ARHGEF40: variants seen among roughly 807,000 people sequenced by gnomAD.
ARHGEF40 encodes Rho guanine nucleotide exchange factor 40.
Under a neutral mutation model 165.9 loss-of-function variants are expected in ARHGEF40, and 98 were observed. That is an observed-to-expected ratio of 0.59 (90% CI 0.50 to 0.70). The LOEUF is 0.70. Ranked by LOEUF, ARHGEF40 falls within the 30% of genes least tolerant of loss-of-function variation. ARHGEF40 has a pLI of 0.00. For missense variants in ARHGEF40, 1,815 were observed against 1,968.0 expected (o/e 0.92, Z 1.47); for synonymous variants, 792 against 814.3 (o/e 0.97, Z 0.47).
At position 21,078,118 on chromosome 14, in the gene ARHGEF40, G is replaced by A; in HGVS notation, c.2035-59G>A. The A allele has an allele frequency of 2.0e-6, 3 of 1,503,956 alleles. No homozygotes were observed. The South Asian group carries it at 3.8e-5, about 19-fold the overall frequency. 93.2% of individuals were successfully genotyped at this position (1,503,956 alleles called of 1,614,324 possible). A position where few individuals can be genotyped will look rare whatever the true frequency, so the allele number is the denominator to read the frequency against. ...CTGGGGCTACCGCACCCCAACCCTAGGGCTTAAGTTCCTTCTTAAACTCTG... is the reference window on the plus strand; with the variant it reads ...CTGGGGCTACCGCACCCCAACCCTAAGGCTTAAGTTCCTTCTTAAACTCTG... On this transcript the variant is annotated intron_variant, in intron 8 of 23. Transcript: ENST00000298694.
In ARHGEF40 at chr14:21,076,461, C is replaced by A. The variant is rs1055527590; in HGVS notation, c.1836+5C>A. Reference sequence around the variant, plus strand: ...CCTGCCTTGAGCCAACTTCAGGTAACCACCCCTCAAACAGGCAGTTCCCCT... The same window carrying A: ...CCTGCCTTGAGCCAACTTCAGGTAAACACCCCTCAAACAGGCAGTTCCCCT... On this transcript the variant is annotated splice_donor_5th_base_variant and intron_variant, in intron 6 of 23. Coordinates refer to ENST00000298694, the MANE Select transcript of ARHGEF40 (RefSeq NM_018071.5). 6.2e-7 allele frequency: 1 copy of A among 1,614,128 alleles called. No individual in the cohort carries two copies. Among genetic ancestry groups the A allele is most frequent in the Non-Finnish European group, 8.5e-7 (1 of 1,180,018 alleles).
In ARHGEF40 at chr14:21,075,338, C is replaced by A; in HGVS notation, c.1457C>A (p.Thr486Lys). 6.2e-7 allele frequency: 1 copy of A among 1,614,024 alleles called. No homozygotes were observed. The highest frequency in any genetic ancestry group is 8.5e-7 in the Non-Finnish European group (1 of 1,180,006). Reference sequence around the variant, plus strand: ...TCTGTCTGTGTCTGTGCAGGACACACAGGCCCAGAAGGCCCCCTGTCTGAC... The same window carrying A: ...TCTGTCTGTGTCTGTGCAGGACACAAAGGCCCAGAAGGCCCCCTGTCTGAC... ...GPGLLCMAGH[T>K]GPEGPLSDTP... Residue 486 changes from threonine to lysine, a missense_variant, in exon 4 of 24, where the codon ACA becomes AAA. Transcript: ENST00000298694. The surrounding 1 kb of genome is among the most constrained non-coding windows in gnomAD (Gnocchi z 4.5).
chr14:21,080,499 G>A (rs939452613), intron 11 of ARHGEF40, among the ~76,000 whole-genome samples, 161 bp from the exon 12 acceptor site: 1 of 152,192 alleles, frequency 6.6e-6, no homozygotes, highest in African/African-American at 2.4e-5. Context: ...GACCCTTGTG[G>A]AAACTATTAC....
chr14:21,078,756 GT>G lies in ARHGEF40; in HGVS notation c.2247-126del, dbSNP rs1163088087. ...CAGGATTCAAACCAAAGCAGTCAGG[GT>G]TCAGCCCATGCTTTTGATCCATGCT... On this transcript the variant is annotated intron_variant, in intron 10 of 23. Transcript: ENST00000298694. The G allele has an allele frequency of 7.3e-6, 10 of 1,373,484 alleles. No homozygotes were observed. In the South Asian group the frequency reaches 9.7e-5, roughly 13 times the overall value. The allele number at this position is 1,373,484 out of a possible 1,614,324, so 85.1% of individuals were successfully genotyped here.
Position 21,089,849 on chromosome 14 carries a change from A to G in ARHGEF40, c.*841A>G, listed in dbSNP as rs1236474870. The G allele has an allele frequency of 5.6e-6, 1 of 180,152 alleles. No individual in the cohort carries two copies. The highest frequency in any genetic ancestry group is 1.2e-5 in the Non-Finnish European group (1 of 84,980). The allele number at this position is 180,152 out of a possible 1,614,324, so 11.2% of individuals were successfully genotyped here. ...CCAGCACAGTCCAGCAGTTCTCAAAATGAGGTCCTCAGGCCACAGTGCGTG... is the reference window on the plus strand; with the variant it reads ...CCAGCACAGTCCAGCAGTTCTCAAAGTGAGGTCCTCAGGCCACAGTGCGTG... On this transcript the variant is annotated 3_prime_UTR_variant, in exon 24 of 24. Transcript: ENST00000298694.
chr14:21,082,687 G>T (rs558141702), intron 15 of ARHGEF40, 144 bp from the exon 16 acceptor site: 107 of 1,025,504 alleles, frequency 1.0e-4, no homozygotes, highest in Non-Finnish European at 1.3e-4. Flanking sequence ...CTCTCCACAG[G>T]GAGCCCTTCC....
Position 21,085,720 on chromosome 14 carries a change from G to A in ARHGEF40, c.3992G>A (p.Gly1331Glu). The A allele has an allele frequency of 6.2e-7, 1 of 1,614,094 alleles. No individual in the cohort carries two copies. The highest frequency in any genetic ancestry group is 2.2e-5 in the East Asian group (1 of 44,888). The part of the protein sequence containing the change: ...TADMGLTENI[G>E]DSGLCFELWF... ...GATATGGGGCTGACAGAAAACATCG[G>A]GGACAGCGGACTCTGCTTTGAGTTG... Residue 1331 changes from glycine to glutamate, a missense_variant, in exon 19 of 24, where the codon GGG becomes GAG. By Grantham distance (98) the Gly-to-Glu change is moderately conservative (BLOSUM62 -2). Transcript: ENST00000298694.
chr14:21,082,346 A>T lies in ARHGEF40; in HGVS notation c.3354A>T (p.Glu1118Asp). 6.2e-7 allele frequency: 1 copy of T among 1,612,110 alleles called. No individual in the cohort carries two copies. Among genetic ancestry groups the T allele is most frequent in the South Asian group, 1.1e-5 (1 of 91,052 alleles). ...VPPPGPELTP[E>D]LRGTWAAALS... Reference sequence around the variant, plus strand: ...CCCCTGGGCCTGAGCTGACGCCTGAACTTCGGGGCACCTGGGCTGCTGCCC... The same window carrying T: ...CCCCTGGGCCTGAGCTGACGCCTGATCTTCGGGGCACCTGGGCTGCTGCCC... The change falls in exon 15 of 24, where the codon GAA (glutamate) becomes GAT (aspartate). Residue 1118 changes from glutamate (E) to aspartate (D), a missense_variant. Physicochemically the swap from Glu to Asp is conservative, Grantham distance 45. Transcript: ENST00000298694.
At chr14:21,067,848 C>G (rs1236063321), upstream of ARHGEF40, among the ~76,000 whole-genome samples, 2 of 152,110 alleles carry the variant, frequency 1.3e-5, no homozygotes, top group Non-Finnish European at 2.9e-5. Context: ...CCACATGTCA[C>G]TTACTTACTT....
chr14:21,085,556 G>A, intron 18 of ARHGEF40, 133 bp from the exon 19 acceptor site: 1 of 1,020,570 alleles, frequency 9.8e-7, no homozygotes, highest in East Asian at 2.6e-5. Flanking sequence ...TAGAGCACTT[G>A]GCACGTGATA....
Position 21,074,619 on chromosome 14 carries a change from C to A in ARHGEF40, c.889C>A (p.Pro297Thr). ...RAWMHQKGLG[P>T]RGQDGARPPG... is the part of the protein sequence containing the mutation. Reference sequence around the variant, plus strand: ...GTGGATGCACCAGAAGGGCCTGGGGCCTCGGGGCCAGGATGGAGCACGCCC... The same window carrying A: ...GTGGATGCACCAGAAGGGCCTGGGGACTCGGGGCCAGGATGGAGCACGCCC... Residue 297 changes from proline (P) to threonine (T), a missense_variant, in exon 3 of 24, where the codon CCT becomes ACT. Physicochemically the swap from Pro to Thr is conservative, Grantham distance 38. Transcript: ENST00000298694. The surrounding 1 kb of genome is among the most constrained non-coding windows in gnomAD (Gnocchi z 4.8). The A allele has an allele frequency of 6.4e-7, 1 of 1,567,138 alleles. No homozygotes were observed. Among genetic ancestry groups the A allele is most frequent in the Middle Eastern group, 1.8e-4 (1 of 5,664 alleles).
rs756140150 is a variant in ARHGEF40, at chr14:21,082,419, C to A, written c.3427C>A (p.Arg1143=). 6.2e-7 allele frequency: 1 copy of A among 1,610,188 alleles called. No homozygotes were observed. The highest frequency in any genetic ancestry group is 8.5e-7 in the Non-Finnish European group (1 of 1,178,222). ...LRSFHRTHFL[R]ELQGCATHPL... is the part of the protein sequence containing the mutation. Reference sequence around the variant, plus strand: ...CAGCTTCCACCGGACACACTTTCTGCGGGAGCTTCAGGGCTGCGCCACCCA... The same window carrying A: ...CAGCTTCCACCGGACACACTTTCTGAGGGAGCTTCAGGGCTGCGCCACCCA... Residue 1143 remains arginine, a synonymous_variant, in exon 15 of 24, where the codon CGG becomes AGG. Coordinates refer to ENST00000298694, the MANE Select transcript of ARHGEF40 (RefSeq NM_018071.5).
At chr14:21,088,250 ACCTTTCT>A (rs1888529195) in intron 22 of ARHGEF40, 152 bp downstream of exon 22, 19 of 1,046,776 alleles carry the variant, frequency 1.8e-5, no homozygotes, top group Non-Finnish European at 2.3e-5. Context: ...TATCTTGTCT[ACCTTTCT>A]CCTCTCCCCG....
the ARHGEF40 span, among the ~76,000 whole-genome samples, chr14:21,063,152 C>A: frequency 1.2e-4 from 18 of 151,584 alleles, no homozygotes; most frequent in Non-Finnish European, 2.5e-4. Context: ...AAAGCAAAAA[C>A]AAAAAACGGA....
In ARHGEF40 at chr14:21,075,475, G is replaced by A. The variant is rs1429663864; in HGVS notation, c.1594G>A (p.Ala532Thr). The change falls in exon 4 of 24, where the codon GCA (alanine) becomes ACA (threonine). Residue 532 changes from alanine (A) to threonine (T), a missense_variant. Coordinates refer to ENST00000298694, the MANE Select transcript of ARHGEF40 (RefSeq NM_018071.5). This position sits in a 1 kb window ranked among gnomAD's most constrained non-coding sequence, Gnocchi z 4.5. The stretch of plus-strand genomic sequence containing the variant: ...CCCTGATGTAGCTTGGGACTTGATG[G>A]CATCTGGATTCCTCATCCTGACGGG... ...DHPDVAWDLM[A>T]SGFLILTGGV... 1 of 1,614,226 alleles carries A rather than the reference G, an allele frequency of 6.2e-7. No homozygotes were observed. Among genetic ancestry groups the A allele is most frequent in the Admixed American group, 1.7e-5 (1 of 60,024 alleles).
At position 21,089,558 on chromosome 14, in the gene ARHGEF40, G is replaced by A. The variant is rs963563162; in HGVS notation, c.*550G>A. On this transcript the variant is annotated 3_prime_UTR_variant, in exon 24 of 24. Transcript: ENST00000298694. ...GTATTTACTCACACTTTGCCTCTAA[G>A]GAGCTAGAGTAGTCCTCTGGATTAA... The A allele has an allele frequency of 2.6e-5, 4 of 152,726 alleles. No individual in the cohort carries two copies. The highest frequency in any genetic ancestry group is 2.1e-4 in the South Asian group (1 of 4,828). The allele number at this position is 152,726 out of a possible 1,614,324, so 9.5% of individuals were successfully genotyped here. A position where few individuals can be genotyped will look rare whatever the true frequency, so the allele number is the denominator to read the frequency against.
At chr14:21,066,874 A>G (rs1020799655), upstream of ARHGEF40, among the ~76,000 whole-genome samples, 6 of 152,358 alleles carry the variant, frequency 3.9e-5, no homozygotes, top group African/African-American at 1.4e-4. Flanking sequence ...GAACTGATAT[A>G]TATTTACATA....
Position 21,071,335 on chromosome 14 carries a change from G to T in ARHGEF40, c.3+936G>T, listed in dbSNP as rs60101293. On this transcript the variant is annotated intron_variant, in intron 1 of 23. Coordinates refer to ENST00000298694, the MANE Select transcript of ARHGEF40 (RefSeq NM_018071.5). ...GAGAGCGCCCACTGCAAAGAGGGCG[G>T]GGGCATGGCCAAGGGGCCGCTCGCT... is the stretch of plus-strand genomic sequence containing the variant. 9.2e-3 allele frequency among the ~76,000 whole-genome samples: 1,408 copies of T among 152,284 alleles called. 23 individuals carry two copies. The highest frequency in any genetic ancestry group is 0.031 in the African/African-American group (1,300 of 41,556).
chr14:21,088,110 C>T lies in ARHGEF40; in HGVS notation c.4518+12C>T. Reference sequence around the variant, plus strand: ...GGCTATCCCGACAGGTAAGTTCCTACAACGAGGCTGGGAACAATGTGATCT... The same window carrying T: ...GGCTATCCCGACAGGTAAGTTCCTATAACGAGGCTGGGAACAATGTGATCT... On this transcript the variant is annotated intron_variant, in intron 22 of 23. Coordinates refer to ENST00000298694, the MANE Select transcript of ARHGEF40 (RefSeq NM_018071.5). The T allele has an allele frequency of 3.7e-6, 6 of 1,600,894 alleles. No homozygotes were observed. The highest frequency in any genetic ancestry group is 5.1e-6 in the Non-Finnish European group (6 of 1,174,008).
Sources: allele counts gnomAD v4.1 joint callset (sites outside exome capture counted in the v4.1 genomes callset), GRCh38; gene constraint gnomAD v4.1.1; non-coding constraint Gnocchi (gnomAD v3.1); transcripts MANE v1.5; gene names NCBI Gene and HGNC (gene_info 2026-07-23, HGNC 2026-07-21).